IFT81: variants seen among roughly 807,000 people sequenced by gnomAD.
IFT81 encodes the protein intraflagellar transport 81, also known as intraflagellar transport protein 81 homolog.
In IFT81, 72 loss-of-function variants were observed where a neutral mutation model predicts 102.6. The ratio of observed to expected loss-of-function variants is 0.70; its 90% CI spans 0.58 to 0.85. The LOEUF is 0.85. IFT81 is among the 40% of genes least tolerant of loss of function. The probability of loss-of-function intolerance (pLI) is 0.00; values close to 1 mark genes in which losing one functional copy is unlikely to be tolerated. For missense variants in IFT81, 723 were observed against 787.3 expected (o/e 0.92, Z 0.98); for synonymous variants, 237 against 242.7 (o/e 0.98, Z 0.22).
chr12:110,139,847 TAA>T (rs1225456910), intron 8 of IFT81, among the ~76,000 whole-genome samples: 2 of 118,872 alleles, frequency 1.7e-5, no homozygotes, highest in Admixed American at 8.1e-5. Context: ...TAAAATAAAA[TAA>T]ATAAAATAAA....
chr12:110,211,283 A>T (rs1869407558), intron 18 of IFT81, among the ~76,000 whole-genome samples: 1 of 144,074 alleles, frequency 6.9e-6, no homozygotes, highest in African/African-American at 2.6e-5. Flanking sequence ...TCTGCCTCCC[A>T]GGCTCAAGCG....
chr12:110,149,873 A>G (rs368767705), intron 10 of IFT81, among the ~76,000 whole-genome samples: 2 of 151,850 alleles, frequency 1.3e-5, no homozygotes, highest in East Asian at 1.9e-4. Flanking sequence ...GGGGGTTTTT[A>G]TAGGCACAGG....
chr12:110,186,616 C>T (rs961642878), intron 12 of IFT81, among the ~76,000 whole-genome samples: 6 of 151,896 alleles, frequency 4.0e-5, no homozygotes, highest in Admixed American at 2.0e-4. Context: ...TGGGCTCAGG[C>T]GATTCTCCCA....
At chr12:110,217,709 GT>G (rs1165396286) in intron 18 of IFT81, among the ~76,000 whole-genome samples, 2 of 151,776 alleles carry the variant, frequency 1.3e-5, no homozygotes, top group Non-Finnish European at 2.9e-5. Flanking sequence ...CTACAGGCGC[GT>G]GCCCCCATGC....
At chr12:110,144,652 A>C (rs1012484174) in intron 9 of IFT81, among the ~76,000 whole-genome samples, 2 of 151,838 alleles carry the variant, frequency 1.3e-5, no homozygotes, top group African/African-American at 4.8e-5. Context: ...CTGGGACTAC[A>C]GATATGTGCC....
intron 5 of IFT81, among the ~76,000 whole-genome samples, chr12:110,134,365 A>G (rs1336753691): frequency 1.3e-5 from 2 of 152,176 alleles, no homozygotes. Context: ...TTTTAGATTT[A>G]GGAAGGAGTT....
chr12:110,140,916 G>A (rs571177428), intron 8 of IFT81, among the ~76,000 whole-genome samples: 6 of 151,518 alleles, frequency 4.0e-5, no homozygotes, highest in African/African-American at 1.2e-4. Context: ...TAGTAGAGAC[G>A]GGGTTTCTCC....
chr12:110,213,796 C>CTATT lies in IFT81; in HGVS notation c.1849-4247_1849-4244dup, dbSNP rs1383078861. Among the ~76,000 whole-genome samples the CTATT allele has an allele frequency of 3.3e-5, 5 of 152,146 alleles. No individual in the cohort carries two copies. The South Asian group carries it at 8.3e-4, about 25-fold the overall frequency. On this transcript the variant is annotated intron_variant, in intron 18 of 18. Transcript: ENST00000242591. Reference sequence around the variant, plus strand: ...TTGAACATATTTGATATGTTTCAATCTATTGTGATTATTAGTCCCATTCGT... The same window carrying CTATT: ...TTGAACATATTTGATATGTTTCAATCTATTTATTGTGATTATTAGTCCCATTCGT...
At chr12:110,205,734 G>T in intron 17 of IFT81, 54 bp downstream of exon 17, 1 of 1,137,382 alleles carries the variant, frequency 8.8e-7, no homozygotes, top group Admixed American at 2.4e-5. Flanking sequence ...ACCAATAAAA[G>T]TTTTATAAAT....
chr12:110,195,105 T>C (rs1897944991), intron 14 of IFT81, among the ~76,000 whole-genome samples: 1 of 152,200 alleles, frequency 6.6e-6, no homozygotes, highest in Non-Finnish European at 1.5e-5. Context: ...TATTTATTAA[T>C]ATGCAGATAC....
chr12:110,161,290 G>A (rs1593316698), intron 10 of IFT81, among the ~76,000 whole-genome samples: 1 of 150,458 alleles, frequency 6.6e-6, no homozygotes, highest in Admixed American at 6.6e-5. Context: ...ACAGGTACAC[G>A]CCACCATGCC....
chr12:110,208,798 C>T (rs935114035), intron 17 of IFT81, among the ~76,000 whole-genome samples: 1 of 152,106 alleles, frequency 6.6e-6, no homozygotes, highest in Admixed American at 6.6e-5. Flanking sequence ...AGATTACATG[C>T]TACTTAATGT....
chr12:110,139,458 T>A (rs1299960629), intron 8 of IFT81, among the ~76,000 whole-genome samples: 1 of 151,762 alleles, frequency 6.6e-6, no homozygotes, highest in Non-Finnish European at 1.5e-5. Context: ...GAGGATCACT[T>A]GAGCCCAGGA....
At chr12:110,127,033 C>G (rs1051841646) in intron 1 of IFT81, among the ~76,000 whole-genome samples, 3 of 152,136 alleles carry the variant, frequency 2.0e-5, no homozygotes, top group African/African-American at 7.2e-5. Flanking sequence ...TGTTTAATTC[C>G]TGGGTAGAAA....
At chr12:110,169,023 C>CCCTTCCTTCCTTCCTTCCTTCCTTCCTT (rs201299809) in intron 11 of IFT81, 3 of 115,334 alleles carry the variant, frequency 2.6e-5, no homozygotes, top group Admixed American at 9.4e-5. Flanking sequence ...TTTCCTTCCT[C>CCCTTCCTTCCTTCCTTCCTTCCTTCCTT]CCTTCCTTCC....
intron 14 of IFT81, among the ~76,000 whole-genome samples, chr12:110,196,317 G>A (rs1490323545): frequency 2.0e-5 from 3 of 152,042 alleles, no homozygotes; most frequent in Non-Finnish European, 4.4e-5. Flanking sequence ...TCAGGAGTTC[G>A]AGACTAGCCT....
chr12:110,148,340 C>T (rs929223946), intron 10 of IFT81, among the ~76,000 whole-genome samples: 3 of 151,924 alleles, frequency 2.0e-5, no homozygotes, highest in Admixed American at 2.0e-4. Flanking sequence ...GGTGGTATTA[C>T]ATACTTTTAT....
At position 110,218,392 on chromosome 12, in the gene IFT81, T is replaced by C. The variant is rs1303733813; in HGVS notation, c.*166T>C. The C allele has an allele frequency of 1.4e-5, 7 of 487,510 alleles. No homozygotes were observed. Among genetic ancestry groups the C allele is most frequent in the Admixed American group, 7.8e-5 (2 of 25,614 alleles). 30.2% of individuals were successfully genotyped at this position (487,510 alleles called of 1,614,324 possible). A position where few individuals can be genotyped will look rare whatever the true frequency, so the allele number is the denominator to read the frequency against. Reference sequence around the variant, plus strand: ...AATGTTAAGGTAGATTTAGTTTGAATGTTTTTTCATATGAAAAAGAGGCTT... The same window carrying C: ...AATGTTAAGGTAGATTTAGTTTGAACGTTTTTTCATATGAAAAAGAGGCTT... On this transcript the variant is annotated 3_prime_UTR_variant, in exon 19 of 19. Transcript: ENST00000242591.
At chr12:110,187,611 G>A (rs1000022705) in intron 12 of IFT81, among the ~76,000 whole-genome samples, 6 of 151,948 alleles carry the variant, frequency 3.9e-5, no homozygotes, top group Non-Finnish European at 5.9e-5. Flanking sequence ...CTATTACTTT[G>A]CTTACTTGGT....
Sources: gnomAD v4.1 joint callset for allele counts (sites outside exome capture counted in the v4.1 genomes callset) on GRCh38, gnomAD v4.1.1 for gene constraint, MANE v1.5 for transcripts, NCBI Gene and HGNC (gene_info 2026-07-23, HGNC 2026-07-21) for gene names.